RNFT2: variants seen among roughly 807,000 people sequenced by gnomAD.
RNFT2 encodes the protein E3 ubiquitin-protein ligase RNFT2.
A neutral mutation model predicts 53.0 loss-of-function variants in RNFT2; 36 were observed. That is an observed-to-expected ratio of 0.68 (90% CI 0.52 to 0.90). The LOEUF (loss-of-function observed/expected upper bound fraction) is 0.90. Among genes scored for constraint, RNFT2 ranks in the 40% least tolerant of loss-of-function variants. The probability of loss-of-function intolerance (pLI) is 0.00; values close to 1 mark genes in which losing one functional copy is unlikely to be tolerated. For missense variants in RNFT2, 514 were observed against 585.6 expected (o/e 0.88, Z 1.26); for synonymous variants, 260 against 253.2 (o/e 1.03, Z -0.26).
At chr12:116,848,495 G>A (rs1877731900) in intron 10 of RNFT2, among the ~76,000 whole-genome samples, 1 of 151,848 alleles carries the variant, frequency 6.6e-6, no homozygotes, top group Non-Finnish European at 1.5e-5. Context: ...ACCTCACAAT[G>A]GCCCACAAGT....
Position 116,750,131 on chromosome 12 carries a change from C to A in RNFT2, c.374C>A (p.Ser125Tyr). Reference protein sequence around the residue: ...HFHHGGHRGGSLLQHVGGDHR... With the variant: ...HFHHGGHRGGYLLQHVGGDHR... ...CACCATGGCGGCCACCGCGGGGGCT[C>A]CCTGCTGCAGCACGTGGGTGGGGAC... The change falls in exon 4 of 11, where the codon TCC becomes TAC. Residue 125 changes from serine (S) to tyrosine (Y), a missense_variant. This residue lies in a region of RNFT2 where 237 missense variants were observed against 235.1 expected (regional missense o/e 1.01). Coordinates refer to ENST00000257575, the MANE Select transcript of RNFT2 (RefSeq NM_001382266.1). The A allele has an allele frequency of 6.3e-7, 1 of 1,578,420 alleles. No homozygotes were observed.
intron 7 of RNFT2, among the ~76,000 whole-genome samples, chr12:116,828,054 A>G (rs1275864001): frequency 6.6e-6 from 1 of 152,094 alleles, no homozygotes; most frequent in Non-Finnish European, 1.5e-5. Context: ...GGGACGTTTC[A>G]TGGGGTAGCC....
rs746690644 is a variant in RNFT2 at position 116,766,860 on chromosome 12, C to T, written c.674C>T (p.Ala225Val). Residue 225 changes from alanine (A) to valine (V), a missense_variant, in exon 6 of 11, where the codon GCG becomes GTG. This residue lies in a region of RNFT2 where 273 missense variants were observed against 334.4 expected (regional missense o/e 0.82). Coordinates refer to ENST00000257575, the MANE Select transcript of RNFT2 (RefSeq NM_001382266.1). ...LVILWILAFL[A>V]GNTLYVLYTF... Reference sequence around the variant, plus strand: ...ATCTTGTGGATCCTGGCCTTTCTGGCGGGGAACACCCTCTATGTGCTTTAT... The same window carrying T: ...ATCTTGTGGATCCTGGCCTTTCTGGTGGGGAACACCCTCTATGTGCTTTAT... 5.0e-5 allele frequency: 80 copies of T among 1,598,184 alleles called. No homozygotes were observed. The highest frequency in any genetic ancestry group is 4.8e-4 in the South Asian group (42 of 87,940).
chr12:116,758,654 C>G (rs1274793097), intron 5 of RNFT2, among the ~76,000 whole-genome samples: 1 of 152,136 alleles, frequency 6.6e-6, no homozygotes. Flanking sequence ...CTTGGCTAAT[C>G]ATTGTTTTGT....
chr12:116,804,641 G>A (rs532245099), intron 7 of RNFT2, among the ~76,000 whole-genome samples: 1 of 152,256 alleles, frequency 6.6e-6, no homozygotes, highest in African/African-American at 2.4e-5. Context: ...TTAGGATTGA[G>A]TAGCTTTAGC....
chr12:116,747,145 C>T (rs530588254), intron 3 of RNFT2, among the ~76,000 whole-genome samples: 150 of 152,322 alleles, frequency 9.8e-4, no homozygotes, highest in African/African-American at 3.5e-3. Flanking sequence ...CAACCTCCAC[C>T]TCCTGGGCTC....
Position 116,834,079 on chromosome 12 carries a change from C to T in RNFT2, c.1032+138C>T, listed in dbSNP as rs572376206. 2.0e-4 allele frequency: 132 copies of T among 648,970 alleles called. 2 individuals are homozygous for T. The South Asian group carries it at 5.9e-3, about 29-fold the overall frequency. 40.2% of individuals were successfully genotyped at this position (648,970 alleles called of 1,614,324 possible). ...TATTTTAATTGAGGGAAAATTCATA[C>T]GACATGAAATTAACCACTAACTGTT... On this transcript the variant is annotated intron_variant, in intron 8 of 10. Transcript: ENST00000257575.
rs962423323 is a variant in RNFT2 at position 116,851,649 on chromosome 12, G to A, written c.*2201G>A. Reference sequence around the variant, plus strand: ...CAGCTACTCAGGAGGCTAAGGCAGGGAGAACTGCTTGAACTCGGGAGGTGA... The same window carrying A: ...CAGCTACTCAGGAGGCTAAGGCAGGAAGAACTGCTTGAACTCGGGAGGTGA... On this transcript the variant is annotated 3_prime_UTR_variant, in exon 11 of 11. Transcript: ENST00000257575. The A allele has an allele frequency of 8.0e-6, 5 of 627,106 alleles. No homozygotes were observed. The African/African-American group carries it at 9.2e-5, about 11-fold the overall frequency. The allele number at this position is 627,106 out of a possible 1,614,324, so 38.8% of individuals were successfully genotyped here.
intron 7 of RNFT2, among the ~76,000 whole-genome samples, chr12:116,814,804 G>A (rs573374673): frequency 3.6e-4 from 55 of 152,058 alleles, no homozygotes; most frequent in East Asian, 2.5e-3. Flanking sequence ...TCAGCCTCCC[G>A]AGTAGCTGGG....
chr12:116,820,941 C>G (rs1229551962), intron 7 of RNFT2, among the ~76,000 whole-genome samples: 1 of 152,090 alleles, frequency 6.6e-6, no homozygotes, highest in East Asian at 1.9e-4. Flanking sequence ...TCTTGTAATC[C>G]TCTCACTTGC....
chr12:116,740,276 G>A, intron 1 of RNFT2, 69 bp from the exon 2 acceptor site: 1 of 537,850 alleles, frequency 1.9e-6, no homozygotes, highest in Non-Finnish European at 3.4e-6. Flanking sequence ...TACCAACAAT[G>A]TCCTAAGGCT....
chr12:116,814,433 G>C (rs188920321), intron 7 of RNFT2, among the ~76,000 whole-genome samples: 1 of 152,120 alleles, frequency 6.6e-6, no homozygotes, highest in Non-Finnish European at 1.5e-5. Context: ...GTAGGGAGAA[G>C]GTAACATTCA....
chr12:116,767,498 C>G (rs1350087889), intron 6 of RNFT2, among the ~76,000 whole-genome samples: 2 of 152,128 alleles, frequency 1.3e-5, no homozygotes, highest in Non-Finnish European at 2.9e-5. Context: ...GGATTGATTA[C>G]AGGTGTGAGT....
At chr12:116,808,844 C>T (rs1875220644) in intron 7 of RNFT2, among the ~76,000 whole-genome samples, 1 of 152,160 alleles carries the variant, frequency 6.6e-6, no homozygotes, top group Non-Finnish European at 1.5e-5. Context: ...CTGTGCTCCC[C>T]CTGGCTCCCC....
At chr12:116,769,217 G>C (rs995206336) in intron 6 of RNFT2, among the ~76,000 whole-genome samples, 6 of 152,102 alleles carry the variant, frequency 3.9e-5, no homozygotes, top group African/African-American at 1.4e-4. Context: ...AAATTAGCTG[G>C]GCGTGGTAGC....
At chr12:116,771,679 A>G (rs2137106738) in intron 6 of RNFT2, among the ~76,000 whole-genome samples, 1 of 151,982 alleles carries the variant, frequency 6.6e-6, no homozygotes, top group East Asian at 1.9e-4. Flanking sequence ...TTGCTCCTAC[A>G]CCCCAAATAC....
intron 3 of RNFT2, among the ~76,000 whole-genome samples, chr12:116,744,238 A>AG (rs1871787653): frequency 6.6e-6 from 1 of 151,770 alleles, no homozygotes; most frequent in African/African-American, 2.4e-5. Context: ...AAAAAAAAAA[A>AG]AAAAAGAGTT....
chr12:116,752,937 G>T (rs1872317622), intron 4 of RNFT2, among the ~76,000 whole-genome samples: 1 of 152,090 alleles, frequency 6.6e-6, no homozygotes, highest in African/African-American at 2.4e-5. Context: ...ATAACAAAAA[G>T]CAGGACTCGA....
intron 7 of RNFT2, among the ~76,000 whole-genome samples, chr12:116,830,372 C>T (rs1219996374): frequency 1.3e-5 from 2 of 152,164 alleles, no homozygotes; most frequent in South Asian, 2.1e-4. Context: ...ACTGCAGCCT[C>T]GAACTTCTGG....
Sources: gnomAD v4.1 joint callset for allele counts (sites outside exome capture counted in the v4.1 genomes callset) on GRCh38, gnomAD v4.1.1 for gene constraint, gnomAD v4.1.1 regional missense constraint, MANE v1.5 for transcripts, NCBI Gene and HGNC (gene_info 2026-07-23, HGNC 2026-07-21) for gene names.